The following BAIAP2 variants were observed in gnomAD, a reference collection of about 807,000 sequenced individuals.
BAIAP2 encodes BAR/IMD domain containing adaptor protein 2.
BAIAP2 carries 18 observed loss-of-function variants against 63.0 expected under a neutral mutation model. The observed-to-expected ratio is 0.29, with a 90% confidence interval of 0.20 to 0.42. BAIAP2 has a LOEUF of 0.42. BAIAP2 is among the 10% of genes least tolerant of loss of function. The pLI is 1.00. For missense variants in BAIAP2, 610 were observed against 734.3 expected (o/e 0.83, Z 1.96); for synonymous variants, 386 against 307.6 (o/e 1.25, Z -2.67).
intron 3 of BAIAP2, among the ~76,000 whole-genome samples, chr17:81,082,625 G>A (rs1041126159): frequency 1.3e-5 from 2 of 152,224 alleles, no homozygotes; most frequent in African/African-American, 4.8e-5. Context: ...TCACCTCTGG[G>A]TCCCCTCAGG....
Position 81,114,000 on chromosome 17 carries a change from T to C in BAIAP2, c.1536-1770T>C, listed in dbSNP as rs1404946291. Among the ~76,000 whole-genome samples the C allele has an allele frequency of 2.8e-5, 4 of 145,054 alleles. No homozygotes were observed. The East Asian group carries it at 8.3e-4, about 30-fold the overall frequency. On this transcript the variant is annotated intron_variant, in intron 13 of 13. Transcript: ENST00000428708. ...TTTTTTTTGAGACAGGGTCTTACTCTGTCACCCAGGCTGGAGTGCAGTGGT... is the reference window on the plus strand; with the variant it reads ...TTTTTTTTGAGACAGGGTCTTACTCCGTCACCCAGGCTGGAGTGCAGTGGT...
At chr17:81,089,619 G>A (rs1021910606) in intron 6 of BAIAP2, among the ~76,000 whole-genome samples, 5 of 151,954 alleles carry the variant, frequency 3.3e-5, no homozygotes, top group East Asian at 3.9e-4. Context: ...CCCCTCGTCC[G>A]CAGGAGGGCA....
chr17:81,103,801 G>A (rs961021218), intron 8 of BAIAP2, 78 bp downstream of exon 8: 2 of 1,580,398 alleles, frequency 1.3e-6, no homozygotes, highest in South Asian at 1.1e-5. Flanking sequence ...GGCCGCCAGG[G>A]TGCAGAGTCC....
intron 3 of BAIAP2, among the ~76,000 whole-genome samples, chr17:81,074,777 C>T (rs2053376860): frequency 6.6e-6 from 1 of 152,008 alleles, no homozygotes; most frequent in Admixed American, 6.5e-5. Flanking sequence ...TGCATAAGTG[C>T]CTGTGTGTCT....
At position 81,116,195 on chromosome 17, in the gene BAIAP2, TCTC is replaced by T; in HGVS notation, c.*359_*361del. The T allele has an allele frequency of 1.9e-6, 3 of 1,607,522 alleles. No homozygotes were observed. The highest frequency in any genetic ancestry group is 1.1e-5 in the South Asian group (1 of 91,044). On this transcript the variant is annotated 3_prime_UTR_variant, in exon 14 of 14. Coordinates refer to ENST00000428708, the MANE Select transcript of BAIAP2 (RefSeq NM_001144888.2). ...AGGGGAGCCTGGCTGCCCTGCTGCT[TCTC>T]CTGCCTAATAAACAGGCTTCTCCTG...
chr17:81,109,272 C>A, intron 13 of BAIAP2: 1 of 1,291,196 alleles, frequency 7.7e-7, no homozygotes, highest in Non-Finnish European at 9.8e-7. Context: ...CTGGGCCGTG[C>A]GGGGCACCCT....
intron 13 of BAIAP2, 58 bp from the exon 14 acceptor site, chr17:81,115,712 G>A (rs892419933): frequency 3.7e-6 from 6 of 1,605,560 alleles, no homozygotes; most frequent in Admixed American, 1.7e-5. Flanking sequence ...CAGCCCAGGT[G>A]GCACAATTCA....
At chr17:81,036,957 A>AGG (rs935856443) in intron 1 of BAIAP2, 4 of 1,535,798 alleles carry the variant, frequency 2.6e-6, no homozygotes, top group Non-Finnish European at 1.7e-6. Context: ...GAGAGTTGGC[A>AGG]GGGGGTGAGT....
intron 1 of BAIAP2, among the ~76,000 whole-genome samples, chr17:81,042,485 C>T (rs1258421005): frequency 3.3e-5 from 5 of 152,056 alleles, no homozygotes; most frequent in African/African-American, 9.7e-5. Context: ...TTTCAGACAA[C>T]GGCCAGGCCT....
Position 81,116,117 on chromosome 17 carries a change from A to G in BAIAP2, c.*278A>G. On this transcript the variant is annotated 3_prime_UTR_variant, in exon 14 of 14. Transcript: ENST00000428708. ...CACGCCTCTGGTCACATGGCCATGG[A>G]GCCTTGGGTACCCCTGAGTTAAGGG... The G allele has an allele frequency of 6.4e-7, 1 of 1,564,840 alleles. No homozygotes were observed. Among genetic ancestry groups the G allele is most frequent in the Non-Finnish European group, 8.6e-7 (1 of 1,157,462 alleles).
chr17:81,084,752 C>G (rs1425220132), intron 3 of BAIAP2, 80 bp from the exon 4 acceptor site: 2 of 1,425,746 alleles, frequency 1.4e-6, no homozygotes, highest in Non-Finnish European at 2.0e-6. Context: ...CCCTGGGTGG[C>G]TGTCAGCCCA....
intron 6 of BAIAP2, among the ~76,000 whole-genome samples, chr17:81,088,356 C>T (rs377363184): frequency 2.0e-5 from 3 of 152,226 alleles, no homozygotes; most frequent in Admixed American, 6.5e-5. Flanking sequence ...CTTCTGCCCT[C>T]GAGGCTCTGT....
intron 3 of BAIAP2, among the ~76,000 whole-genome samples, chr17:81,059,655 T>TG (rs2050208623): frequency 1.3e-5 from 2 of 151,960 alleles, no homozygotes; most frequent in African/African-American, 2.4e-5. Flanking sequence ...CTTACTGTGT[T>TG]GCCCAGGCTG....
intron 1 of BAIAP2, among the ~76,000 whole-genome samples, chr17:81,047,422 T>C (rs1006211167): frequency 3.3e-5 from 5 of 152,144 alleles, no homozygotes; most frequent in Non-Finnish European, 7.4e-5. Context: ...ACTCTTTCTC[T>C]GTTTGTTCTT....
At chr17:81,087,066 A>G (rs796404837) in intron 6 of BAIAP2, 6 of 165,792 alleles carry the variant, frequency 3.6e-5, no homozygotes, top group African/African-American at 1.4e-4. Context: ...GGCCTGGCCG[A>G]TGACAGGCAC....
chr17:81,072,141 G>T (rs931822781), intron 3 of BAIAP2, among the ~76,000 whole-genome samples: 20 of 152,212 alleles, frequency 1.3e-4, no homozygotes, highest in African/African-American at 4.6e-4. Context: ...CCAGCCCTCA[G>T]AAGCTTGGGG....
chr17:81,091,091 T>G (rs1356958419), intron 6 of BAIAP2, among the ~76,000 whole-genome samples: 2 of 138,934 alleles, frequency 1.4e-5, no homozygotes, highest in African/African-American at 2.6e-5. Flanking sequence ...TGCCCCGACT[T>G]GTGTGGTGCA....
intron 3 of BAIAP2, among the ~76,000 whole-genome samples, chr17:81,061,484 G>A (rs1422662216): frequency 6.6e-6 from 1 of 152,160 alleles, no homozygotes; most frequent in Non-Finnish European, 1.5e-5. Flanking sequence ...CTGTAATTTA[G>A]CATGCATTTG....
At chr17:81,074,571 G>A (rs566657560) in intron 3 of BAIAP2, among the ~76,000 whole-genome samples, 81 of 151,410 alleles carry the variant, frequency 5.3e-4, no homozygotes, top group Non-Finnish European at 7.4e-5. Context: ...GTTCGTGTGC[G>A]TGCATGGATG....
Sources: allele counts gnomAD v4.1 joint callset (sites outside exome capture counted in the v4.1 genomes callset), GRCh38; gene constraint gnomAD v4.1.1; transcripts MANE v1.5; gene names NCBI Gene and HGNC (gene_info 2026-07-23, HGNC 2026-07-21).